CORO2B: variants seen among roughly 807,000 people sequenced by gnomAD.
CORO2B encodes coronin 2B, also known as coronin-2B.
A neutral mutation model predicts 58.8 loss-of-function variants in CORO2B; 26 were observed. That is an observed-to-expected ratio of 0.44 (90% CI 0.32 to 0.61). CORO2B has a LOEUF of 0.61. CORO2B is among the 20% of genes least tolerant of loss of function. CORO2B has a pLI of 0.04. For missense variants in CORO2B, 460 were observed against 645.1 expected, an observed-to-expected ratio of 0.71 and a Z score of 3.11; for synonymous variants, 242 against 253.8, an observed-to-expected ratio of 0.95 and a Z score of 0.44.
At chr15:68,620,202 A>G (rs1010517517) in intron 1 of CORO2B, among the ~76,000 whole-genome samples, 1 of 152,210 alleles carries the variant, frequency 6.6e-6, no homozygotes, top group Non-Finnish European at 1.5e-5. Flanking sequence ...GTGAGCCACC[A>G]TGCCCGGCCT....
chr15:68,567,295 G>C, the CORO2B span, among the ~76,000 whole-genome samples: 1 of 152,178 alleles, frequency 6.6e-6, no homozygotes, highest in African/African-American at 2.4e-5. Flanking sequence ...ATCTCCATAA[G>C]AGAGTGAAGT....
intron 1 of CORO2B, among the ~76,000 whole-genome samples, chr15:68,633,514 T>TACACAC (rs147873341): frequency 0.035 from 5,095 of 144,020 alleles, 239 homozygotes; most frequent in African/African-American, 0.11. Context: ...TACTCCAACA[T>TACACAC]ACACACACAC....
rs1892884927 is a variant in CORO2B at position 68,710,371 on chromosome 15, GATGTGGC to G, written c.334-355_334-349del. On this transcript the variant is annotated intron_variant, in intron 3 of 11. Transcript: ENST00000261861. This position sits in a 1 kb window ranked among gnomAD's most constrained non-coding sequence, Gnocchi z 4.1. ...GCAGGAAGGCAGAGTCTCCTAGAAGGATGTGGCATGTGAAGCAAGGATAGGCTTTTTA... is the reference window on the plus strand; with the variant it reads ...GCAGGAAGGCAGAGTCTCCTAGAAGGATGTGAAGCAAGGATAGGCTTTTTA... Among the ~76,000 whole-genome samples the G allele has an allele frequency of 6.6e-6, 1 of 152,228 alleles. No homozygotes were observed. Among genetic ancestry groups the G allele is most frequent in the Admixed American group, 6.5e-5 (1 of 15,286 alleles).
the CORO2B span, among the ~76,000 whole-genome samples, chr15:68,537,588 C>T: frequency 5.3e-5 from 8 of 152,052 alleles, no homozygotes; most frequent in Admixed American, 2.6e-4. Context: ...CCTGTCAACC[C>T]GTCACCTAGG....
At chr15:68,527,907 T>A in the CORO2B span, among the ~76,000 whole-genome samples, 17,502 of 152,214 alleles carry the variant, frequency 0.11, 1,040 homozygotes, top group Middle Eastern at 0.13. Context: ...GTAAATGGTA[T>A]TTTGTAAATT....
At position 68,669,996 on chromosome 15, in the gene CORO2B, G is replaced by T. The variant is rs549791409; in HGVS notation, c.216+24636G>T. Among the ~76,000 whole-genome samples, 158 of 151,280 alleles carry T rather than the reference G, an allele frequency of 1.0e-3. 5 individuals are homozygous for T. The South Asian group carries it at 0.018, about 17-fold the overall frequency. On this transcript the variant is annotated intron_variant, in intron 2 of 11. Transcript: ENST00000261861. ...TGCTTGAACCTAGGAGACAGAGGTT[G>T]CAGTGAGCCAAGATCATGCCACTGC...
chr15:68,626,981 T>C (rs995768647), intron 1 of CORO2B, among the ~76,000 whole-genome samples: 3 of 152,258 alleles, frequency 2.0e-5, no homozygotes, highest in South Asian at 2.1e-4. Context: ...GAGCACAGGA[T>C]GTGTAGCAAG....
At chr15:68,651,251 G>A (rs894065795) in intron 2 of CORO2B, among the ~76,000 whole-genome samples, 3 of 152,340 alleles carry the variant, frequency 2.0e-5, no homozygotes, top group African/African-American at 7.2e-5. Flanking sequence ...CCAAGCCATG[G>A]CCGTCCCTCT....
At chr15:68,615,769 G>A (rs763874028) in intron 1 of CORO2B, among the ~76,000 whole-genome samples, 14 of 152,310 alleles carry the variant, frequency 9.2e-5, no homozygotes, top group South Asian at 4.1e-4. Context: ...CACCAAATCC[G>A]TCAGTGCCCT....
chr15:68,577,436 T>C (rs1244293383), upstream of CORO2B, among the ~76,000 whole-genome samples: 1 of 152,094 alleles, frequency 6.6e-6, no homozygotes, highest in Non-Finnish European at 1.5e-5. Context: ...TGGTTAAAAA[T>C]GGCAGGGCCG....
At chr15:68,700,095 T>C (rs1275163453) in intron 3 of CORO2B, among the ~76,000 whole-genome samples, 1 of 152,144 alleles carries the variant, frequency 6.6e-6, no homozygotes, top group African/African-American at 2.4e-5. Flanking sequence ...ACGGCCTCCC[T>C]GCCTCCTTCA....
chr15:68,628,482 AG>A (rs1392990199), intron 1 of CORO2B, among the ~76,000 whole-genome samples: 1 of 152,248 alleles, frequency 6.6e-6, no homozygotes, highest in Non-Finnish European at 1.5e-5. Context: ...TACAACACTA[AG>A]TGTGAAATAC....
chr15:68,667,574 G>C (rs186655188), intron 2 of CORO2B, among the ~76,000 whole-genome samples: 1 of 152,340 alleles, frequency 6.6e-6, no homozygotes, highest in Non-Finnish European at 1.5e-5. Context: ...CCCCACATCT[G>C]CCTGATGGCA....
intron 2 of CORO2B, among the ~76,000 whole-genome samples, chr15:68,669,748 A>C (rs957111757): frequency 6.6e-6 from 1 of 152,112 alleles, no homozygotes; most frequent in Non-Finnish European, 1.5e-5. Flanking sequence ...TCTTGGAGAA[A>C]TAAACCAAAT....
At chr15:68,705,047 G>GCAA (rs1892749438) in intron 3 of CORO2B, among the ~76,000 whole-genome samples, 1 of 152,174 alleles carries the variant, frequency 6.6e-6, no homozygotes, top group Admixed American at 6.5e-5. Context: ...GTGAACTCCA[G>GCAA]CTCCTCCTCT....
the CORO2B span, among the ~76,000 whole-genome samples, chr15:68,527,147 A>AT: frequency 1.3e-5 from 2 of 152,214 alleles, no homozygotes; most frequent in African/African-American, 4.8e-5. Context: ...GGTACTTGTT[A>AT]TGTAAGTTAC....
intron 1 of CORO2B, among the ~76,000 whole-genome samples, chr15:68,638,647 A>C (rs143077946): frequency 6.6e-6 from 1 of 152,180 alleles, no homozygotes; most frequent in Admixed American, 6.5e-5. Flanking sequence ...TATGTGTTGT[A>C]TTGGAAAGAG....
chr15:68,709,768 G>C (rs1388774525), intron 3 of CORO2B, among the ~76,000 whole-genome samples: 1 of 151,954 alleles, frequency 6.6e-6, no homozygotes, highest in Non-Finnish European at 1.5e-5. Context: ...TAATATTAAT[G>C]ATAATAATAA....
chr15:68,660,697 C>T (rs1244110628), intron 2 of CORO2B, among the ~76,000 whole-genome samples: 1 of 152,146 alleles, frequency 6.6e-6, no homozygotes, highest in Non-Finnish European at 1.5e-5. Context: ...ACCCTTCACT[C>T]CTACACACCT....
Sources: gnomAD v4.1 joint callset for allele counts (sites outside exome capture counted in the v4.1 genomes callset) on GRCh38, gnomAD v4.1.1 for gene constraint, Gnocchi (gnomAD v3.1) non-coding constraint, MANE v1.5 for transcripts, NCBI Gene and HGNC (gene_info 2026-07-23, HGNC 2026-07-21) for gene names.